Variants in DAB1 observed in about 807,000 individuals in gnomAD.
DAB1 encodes the protein DAB adaptor protein 1, also known as disabled homolog 1.
A neutral mutation model predicts 64.6 loss-of-function variants in DAB1; 15 were observed. The observed-to-expected ratio is 0.23, with a 90% confidence interval of 0.16 to 0.36. DAB1 has a LOEUF of 0.36. Ranked by LOEUF, DAB1 falls within the 10% of genes least tolerant of loss-of-function variation. The pLI, the probability that DAB1 is intolerant of heterozygous loss-of-function variation, is 1.00. For missense variants in DAB1, 596 were observed against 706.7 expected (o/e 0.84, Z 1.78); for synonymous variants, 235 against 251.9 (o/e 0.93, Z 0.64).
intron 5 of DAB1, among the ~76,000 whole-genome samples, chr1:58,130,744 T>C (rs1353296422): frequency 6.6e-6 from 1 of 151,898 alleles, no homozygotes; most frequent in Non-Finnish European, 1.5e-5. Flanking sequence ...TATGAAATTC[T>C]GGGTTGAAAA....
At chr1:57,544,301 G>A (rs1207372510) in intron 7 of DAB1, among the ~76,000 whole-genome samples, 1 of 152,168 alleles carries the variant, frequency 6.6e-6, no homozygotes, top group Admixed American at 6.5e-5. Flanking sequence ...TAATAGAACT[G>A]TAGGTGCTTT....
At chr1:58,187,909 ATT>A (rs377672670) in intron 4 of DAB1, among the ~76,000 whole-genome samples, 1 of 118,118 alleles carries the variant, frequency 8.5e-6, no homozygotes, top group Non-Finnish European at 1.8e-5. Context: ...TGAGATAAGA[ATT>A]TTTTTTTTTT....
chr1:58,013,828 C>A (rs926655190), intron 5 of DAB1, among the ~76,000 whole-genome samples: 1 of 152,012 alleles, frequency 6.6e-6, no homozygotes, highest in Non-Finnish European at 1.5e-5. Context: ...GCTTACACCA[C>A]AAAAACAGGC....
chr1:58,257,322 T>C (rs1162576328), intron 4 of DAB1, among the ~76,000 whole-genome samples: 1 of 152,228 alleles, frequency 6.6e-6, no homozygotes, highest in African/African-American at 2.4e-5. Flanking sequence ...ACAGATGACC[T>C]TGCAGCTTGT....
intron 7 of DAB1, among the ~76,000 whole-genome samples, chr1:57,481,188 C>T (rs1644014546): frequency 2.0e-5 from 3 of 152,072 alleles, no homozygotes; most frequent in South Asian, 4.1e-4. Flanking sequence ...AACCACAGTC[C>T]GGAAATGGGA....
chr1:57,753,350 T>G (rs1364004343), intron 6 of DAB1, among the ~76,000 whole-genome samples: 1 of 152,198 alleles, frequency 6.6e-6, no homozygotes, highest in African/African-American at 2.4e-5. Flanking sequence ...TAATGAGAAC[T>G]GTAGACTTCT....
chr1:57,832,247 G>A (rs752934454), intron 1 of DAB1, among the ~76,000 whole-genome samples: 6 of 152,162 alleles, frequency 3.9e-5, no homozygotes, highest in Non-Finnish European at 8.8e-5. Flanking sequence ...GATGAAGAGA[G>A]GGTGGGAAAC....
At chr1:57,121,860 G>A (rs12029757) in intron 4 of DAB1, among the ~76,000 whole-genome samples, 34,169 of 151,804 alleles carry the variant, frequency 0.23, 4,285 homozygotes, top group African/African-American at 0.32. Flanking sequence ...ATGTGTACCT[G>A]TGTAACAGAT....
At chr1:57,622,117 A>G (rs1341316) in intron 7 of DAB1, among the ~76,000 whole-genome samples, 46,024 of 152,156 alleles carry the variant, frequency 0.3, 7,225 homozygotes, top group South Asian at 0.4. Context: ...GTGAGTATGC[A>G]TGTTTTCAAT....
intron 1 of DAB1, among the ~76,000 whole-genome samples, chr1:57,836,561 T>C (rs1362136502): frequency 6.6e-6 from 1 of 152,206 alleles, no homozygotes; most frequent in Non-Finnish European, 1.5e-5. Context: ...GGCTGACTCA[T>C]TCAGAATCCA....
chr1:57,125,108 C>T (rs946621204), intron 4 of DAB1, among the ~76,000 whole-genome samples: 1 of 152,216 alleles, frequency 6.6e-6, no homozygotes, highest in South Asian at 2.1e-4. Context: ...TCATCTCTCA[C>T]CATCTCAGCA....
intron 6 of DAB1, among the ~76,000 whole-genome samples, chr1:57,815,759 C>A (rs1651828782): frequency 6.6e-6 from 1 of 151,816 alleles, no homozygotes; most frequent in Non-Finnish European, 1.5e-5. Context: ...ATGCTACCTG[C>A]TTGACCCCCG....
intron 2 of DAB1, among the ~76,000 whole-genome samples, chr1:57,186,216 T>C (rs1663543453): frequency 6.6e-6 from 1 of 152,160 alleles, no homozygotes; most frequent in African/African-American, 2.4e-5. Flanking sequence ...GAATGTAAAT[T>C]CTCTCCAATA....
At chr1:57,776,692 T>C (rs1649816137) in intron 6 of DAB1, among the ~76,000 whole-genome samples, 1 of 151,844 alleles carries the variant, frequency 6.6e-6, no homozygotes, top group South Asian at 2.1e-4. Context: ...GATAATATTA[T>C]ACCATTTCAC....
chr1:57,093,194 C>T (rs200789580), intron 4 of DAB1, among the ~76,000 whole-genome samples: 2 of 152,154 alleles, frequency 1.3e-5, no homozygotes, highest in Admixed American at 1.3e-4. Flanking sequence ...CAGGCAGAGG[C>T]AGGTGGCTGC....
chr1:57,224,572 T>C (rs567971759), intron 2 of DAB1, among the ~76,000 whole-genome samples: 13 of 152,322 alleles, frequency 8.5e-5, no homozygotes, highest in African/African-American at 3.1e-4. Context: ...CCAGGATGGG[T>C]CATATCAAAG....
intron 7 of DAB1, among the ~76,000 whole-genome samples, chr1:57,471,411 T>C (rs1253247674): frequency 8.5e-5 from 13 of 152,212 alleles, no homozygotes; most frequent in Non-Finnish European, 1.5e-5. Flanking sequence ...CACTTCATAA[T>C]TGTGGGATAA....
intron 1 of DAB1, chr1:58,530,617 T>G: frequency 1.1e-6 from 1 of 872,468 alleles, no homozygotes; most frequent in Non-Finnish European, 2.0e-6. Flanking sequence ...CAATTTAGAC[T>G]GTATCCACTG....
intron 5 of DAB1, among the ~76,000 whole-genome samples, chr1:57,952,014 T>A (rs568955808): frequency 6.6e-6 from 1 of 152,294 alleles, no homozygotes; most frequent in African/African-American, 2.4e-5. Context: ...ACTCACTGGT[T>A]CTCAATATCC....
Sources: allele counts gnomAD v4.1 joint callset (sites outside exome capture counted in the v4.1 genomes callset), GRCh38; gene constraint gnomAD v4.1.1; transcripts MANE v1.5; gene names NCBI Gene and HGNC (gene_info 2026-07-23, HGNC 2026-07-21).